Variants in KCNB2 observed in about 807,000 individuals in gnomAD.
The protein encoded by KCNB2 is potassium voltage-gated channel subfamily B member 2.
A neutral mutation model predicts 61.5 loss-of-function variants in KCNB2; 15 were observed. The observed-to-expected ratio is 0.24, with a 90% CI of 0.16 to 0.38. The LOEUF is 0.38. Among genes scored for constraint, KCNB2 ranks in the 10% least tolerant of loss-of-function variants. The pLI is 1.00. For synonymous variants in KCNB2, 457 were observed against 446.0 expected (o/e 1.02, Z -0.31); for missense variants, 828 against 1,125.2 (o/e 0.74, Z 3.78).
rs548078173 is a variant in KCNB2 at position 72,810,163 on chromosome 8, C to A, written c.580-125772C>A. On this transcript the variant is annotated intron_variant, in intron 2 of 2. Coordinates refer to ENST00000523207, the MANE Select transcript of KCNB2 (RefSeq NM_004770.3). ...AGAAAATGCCAGTCAAAAATCAGAACAAATCATCCAGTCAGGCTGAAGGAA... is the reference window on the plus strand; with the variant it reads ...AGAAAATGCCAGTCAAAAATCAGAAAAAATCATCCAGTCAGGCTGAAGGAA... 8.5e-5 allele frequency among the ~76,000 whole-genome samples: 13 copies of A among 152,242 alleles called. 1 individual carries two copies. Among genetic ancestry groups the A allele is most frequent in the Middle Eastern group, 6.8e-3 (2 of 294 alleles).
intron 2 of KCNB2, among the ~76,000 whole-genome samples, chr8:72,743,849 A>G (rs2128994838): frequency 6.6e-6 from 1 of 152,328 alleles, no homozygotes; most frequent in Admixed American, 6.5e-5. Flanking sequence ...CTTTGCCCTT[A>G]GAAAAATATG....
intron 2 of KCNB2, among the ~76,000 whole-genome samples, chr8:72,736,352 T>C (rs1807845836): frequency 6.6e-6 from 1 of 152,188 alleles, no homozygotes; most frequent in Non-Finnish European, 1.5e-5. Flanking sequence ...TATATTATTC[T>C]ATTTTGACGA....
At chr8:72,600,969 A>T (rs2128982496) in intron 2 of KCNB2, among the ~76,000 whole-genome samples, 1 of 152,072 alleles carries the variant, frequency 6.6e-6, no homozygotes, top group African/African-American at 2.4e-5. Context: ...ACAAACCTGC[A>T]CATGTGCCTC....
At chr8:72,923,916 C>T (rs1268684734) in intron 2 of KCNB2, among the ~76,000 whole-genome samples, 1 of 152,166 alleles carries the variant, frequency 6.6e-6, no homozygotes, top group African/African-American at 2.4e-5. Context: ...TGTCTAACTT[C>T]CAAAACATCT....
chr8:72,783,500 C>T (rs1368592260), intron 2 of KCNB2, among the ~76,000 whole-genome samples: 2 of 152,088 alleles, frequency 1.3e-5, no homozygotes, highest in Non-Finnish European at 2.9e-5. Context: ...CTTATAAATC[C>T]CTTCCTGAGT....
intron 2 of KCNB2, among the ~76,000 whole-genome samples, chr8:72,757,129 G>C (rs987003656): frequency 2.6e-5 from 4 of 152,022 alleles, no homozygotes; most frequent in Non-Finnish European, 5.9e-5. Flanking sequence ...CTTAATGGGA[G>C]GGCAGAAGAA....
intron 2 of KCNB2, among the ~76,000 whole-genome samples, chr8:72,788,770 C>T (rs1320909613): frequency 2.6e-5 from 4 of 152,076 alleles, no homozygotes; most frequent in Non-Finnish European, 5.9e-5. Flanking sequence ...TACGTAATTT[C>T]CTTCTTTCTT....
chr8:72,624,244 T>C (rs1805754843), intron 2 of KCNB2, among the ~76,000 whole-genome samples: 1 of 152,218 alleles, frequency 6.6e-6, no homozygotes, highest in South Asian at 2.1e-4. Context: ...AGTGTCTCAG[T>C]CAAAGCTATG....
Position 72,725,547 on chromosome 8 carries a change from A to ATG in KCNB2, c.579+157235_579+157236insGT, listed in dbSNP as rs1563571909. 4.9e-4 allele frequency among the ~76,000 whole-genome samples: 52 copies of ATG among 106,132 alleles called. No homozygotes were observed. The Middle Eastern group carries it at 0.013, about 26-fold the overall frequency. The allele number at this position is 106,132 out of a possible 152,430, so 69.6% of individuals were successfully genotyped here. A position where few individuals can be genotyped will look rare whatever the true frequency, so the allele number is the denominator to read the frequency against. ...TATATATATATATATATATGTGTGT[A>ATG]TATATATATGTATATATGTATATAT... On this transcript the variant is annotated intron_variant, in intron 2 of 2. Transcript: ENST00000523207.
Position 72,884,355 on chromosome 8 carries a change from AGTGT to A in KCNB2, c.580-51571_580-51568del, listed in dbSNP as rs959641806. ...TTGTGCATCACAAATAACTTCTCCC[AGTGT>A]GTGTGTGTTAGCCGGGGGAGGGGAG... is the stretch of plus-strand genomic sequence containing the variant. On this transcript the variant is annotated intron_variant, in intron 2 of 2. Transcript: ENST00000523207. Among the ~76,000 whole-genome samples, 16 of 151,668 alleles carry A rather than the reference AGTGT, an allele frequency of 1.1e-4. No individual in the cohort carries two copies. The East Asian group carries it at 2.3e-3, about 22-fold the overall frequency.
intron 2 of KCNB2, among the ~76,000 whole-genome samples, chr8:72,794,390 C>A (rs1479733963): frequency 6.6e-6 from 1 of 151,876 alleles, no homozygotes; most frequent in Non-Finnish European, 1.5e-5. Flanking sequence ...CATGGTGAAA[C>A]CCCGTCTCTA....
intron 2 of KCNB2, among the ~76,000 whole-genome samples, chr8:72,748,775 T>C (rs1053498346): frequency 1.3e-5 from 2 of 152,086 alleles, no homozygotes; most frequent in African/African-American, 4.8e-5. Context: ...TACATGATGT[T>C]TTGAAATATG....
In KCNB2 at chr8:72,908,564, A is replaced by G. The variant is rs370173513; in HGVS notation, c.580-27371A>G. 3.3e-5 allele frequency among the ~76,000 whole-genome samples: 5 copies of G among 152,350 alleles called. 1 individual carries two copies. In the East Asian group the frequency reaches 5.8e-4, roughly 18 times the overall value. On this transcript the variant is annotated intron_variant, in intron 2 of 2. Coordinates refer to ENST00000523207, the MANE Select transcript of KCNB2 (RefSeq NM_004770.3). Reference sequence around the variant, plus strand: ...ACAGCTCATAGCATAGTATAGGAAAAGAAGCATAGCTGGGCAGGGAAAGTA... The same window carrying G: ...ACAGCTCATAGCATAGTATAGGAAAGGAAGCATAGCTGGGCAGGGAAAGTA...
At chr8:72,852,017 T>C (rs1344853201) in intron 2 of KCNB2, among the ~76,000 whole-genome samples, 1 of 151,794 alleles carries the variant, frequency 6.6e-6, no homozygotes, top group African/African-American at 2.4e-5. Flanking sequence ...AGGTGATCAC[T>C]TGAGCCCAGG....
At chr8:72,630,274 G>A (rs1318627302) in intron 2 of KCNB2, among the ~76,000 whole-genome samples, 1 of 152,020 alleles carries the variant, frequency 6.6e-6, no homozygotes, top group East Asian at 1.9e-4. Context: ...TAGTCTTCAA[G>A]CAAATTTTTT....
At chr8:72,923,211 T>G (rs1224712751) in intron 2 of KCNB2, among the ~76,000 whole-genome samples, 1 of 151,880 alleles carries the variant, frequency 6.6e-6, no homozygotes, top group Non-Finnish European at 1.5e-5. Flanking sequence ...TCAGAAAGAA[T>G]AGATTGTGTT....
At chr8:72,663,812 A>G (rs1254460195) in intron 2 of KCNB2, among the ~76,000 whole-genome samples, 6 of 152,168 alleles carry the variant, frequency 3.9e-5, no homozygotes, top group Non-Finnish European at 5.9e-5. Flanking sequence ...TAGCTTTCAT[A>G]TTTCTGTATT....
At chr8:72,736,914 G>T (rs942382366) in intron 2 of KCNB2, among the ~76,000 whole-genome samples, 6 of 152,006 alleles carry the variant, frequency 3.9e-5, no homozygotes, top group Non-Finnish European at 7.4e-5. Context: ...CTCCTTGAAA[G>T]AATATACATA....
At chr8:72,736,670 A>T (rs1368071691) in intron 2 of KCNB2, among the ~76,000 whole-genome samples, 1 of 152,162 alleles carries the variant, frequency 6.6e-6, no homozygotes, top group Non-Finnish European at 1.5e-5. Context: ...TCTCTATCTA[A>T]CAAGATACAA....
Sources: gnomAD v4.1 joint callset for allele counts (sites outside exome capture counted in the v4.1 genomes callset) on GRCh38, gnomAD v4.1.1 for gene constraint, MANE v1.5 for transcripts, NCBI Gene and HGNC (gene_info 2026-07-23, HGNC 2026-07-21) for gene names.